DEPDC5: variants seen among roughly 807,000 people sequenced by gnomAD.
DEPDC5 encodes DEP domain containing 5, GATOR1 subcomplex subunit, also known as GATOR1 complex protein DEPDC5.
In DEPDC5, 73 loss-of-function variants were observed where a neutral mutation model predicts 217.3. That is an observed-to-expected ratio of 0.34 (90% CI 0.28 to 0.41). The LOEUF is 0.41. DEPDC5 is among the 10% of genes least tolerant of loss of function. The pLI is 1.00. For synonymous variants in DEPDC5, 733 were observed against 756.7 expected, an observed-to-expected ratio of 0.97 and a Z score of 0.51; for missense variants, 1,675 against 2,070.1, an observed-to-expected ratio of 0.81 and a Z score of 3.70.
chr22:31,879,067 TACAC>T (rs1190686323), intron 37 of DEPDC5, among the ~76,000 whole-genome samples: 66 of 133,960 alleles, frequency 4.9e-4, no homozygotes, highest in African/African-American at 1.8e-3. Context: ...TATATATATA[TACAC>T]ACACACACAC....
chr22:31,851,753 A>T (rs1307145678), intron 31 of DEPDC5, among the ~76,000 whole-genome samples: 1 of 152,226 alleles, frequency 6.6e-6, no homozygotes, highest in Admixed American at 6.5e-5. Flanking sequence ...GAACCTGCAC[A>T]CATTAGGCTT....
At position 31,792,033 on chromosome 22, in the gene DEPDC5, GAGA is replaced by G. The variant is rs1319903842; in HGVS notation, c.630_632del (p.Lys210del). The G allele has an allele frequency of 6.2e-7, 1 of 1,610,734 alleles. No homozygotes were observed. Among genetic ancestry groups the G allele is most frequent in the Non-Finnish European group, 8.5e-7 (1 of 1,177,748 alleles). Reference sequence around the variant, plus strand: ...CCTGTTGTTCTCTACTCATGCTTAGGAGAAGAACTGTAGTCATGAAGTGACAGT... The same window carrying G: ...CCTGTTGTTCTCTACTCATGCTTAGGAGAACTGTAGTCATGAAGTGACAGT... On this transcript the variant is annotated inframe_deletion and splice_region_variant, in exon 11 of 43. Transcript: ENST00000651528.
chr22:31,778,787 GTA>G, intron 8 of DEPDC5, among the ~76,000 whole-genome samples: 1 of 152,294 alleles, frequency 6.6e-6, no homozygotes, highest in Admixed American at 6.5e-5. Flanking sequence ...TGGTAAAACT[GTA>G]TGTCTACCTT....
intron 27 of DEPDC5, among the ~76,000 whole-genome samples, chr22:31,840,864 C>T (rs1331108720): frequency 6.6e-6 from 1 of 152,218 alleles, no homozygotes; most frequent in African/African-American, 2.4e-5. Flanking sequence ...CAGCCCTCCC[C>T]TCAGAGTCTA....
intron 10 of DEPDC5, 114 bp downstream of exon 10, chr22:31,784,989 G>A (rs1164133634): frequency 6.9e-5 from 58 of 839,520 alleles, no homozygotes; most frequent in Non-Finnish European, 9.6e-5. Context: ...GGTAAAACCC[G>A]GACTCCAGAT....
intron 14 of DEPDC5, among the ~76,000 whole-genome samples, chr22:31,801,995 A>AT (rs2086910760): frequency 3.4e-5 from 5 of 149,012 alleles, no homozygotes; most frequent in Non-Finnish European, 7.4e-5. Context: ...TAGTGTCTTA[A>AT]ATTAATACTA....
intron 14 of DEPDC5, among the ~76,000 whole-genome samples, chr22:31,799,823 T>TG: frequency 7.0e-6 from 1 of 142,130 alleles, no homozygotes; most frequent in South Asian, 2.3e-4. Context: ...TTTTTTTTTT[T>TG]TTTGAGACAG....
At chr22:31,857,774 A>G in intron 32 of DEPDC5, 1 of 433,298 alleles carries the variant, frequency 2.3e-6, no homozygotes, top group Non-Finnish European at 4.1e-6. Flanking sequence ...TCCGGATATA[A>G]AACGGTCAGT....
At chr22:31,761,785 C>T (rs181340519) in intron 4 of DEPDC5, among the ~76,000 whole-genome samples, 114 of 151,166 alleles carry the variant, frequency 7.5e-4, no homozygotes, top group South Asian at 1.3e-3. Flanking sequence ...CTGGGCAAAA[C>T]GGTGAAACCC....
chr22:31,843,839 T>A (rs765561116), intron 29 of DEPDC5, 27 bp downstream of exon 29: 1 of 1,571,538 alleles, frequency 6.4e-7, no homozygotes, highest in South Asian at 1.2e-5. Context: ...TGGATTTCCA[T>A]CTTTGCATCC....
intron 7 of DEPDC5, among the ~76,000 whole-genome samples, chr22:31,775,323 G>A (rs2083729185): frequency 6.6e-6 from 1 of 152,022 alleles, no homozygotes; most frequent in Non-Finnish European, 1.5e-5. Flanking sequence ...GGGATTACAG[G>A]CACCTGCCAC....
At chr22:31,836,046 A>G (rs551557375) in intron 25 of DEPDC5, among the ~76,000 whole-genome samples, 1 of 152,380 alleles carries the variant, frequency 6.6e-6, no homozygotes, top group South Asian at 2.1e-4. Context: ...GAAAGTTAAA[A>G]GATAGTCTTC....
At chr22:31,841,209 T>C (rs2091372498) in intron 27 of DEPDC5, among the ~76,000 whole-genome samples, 1 of 152,222 alleles carries the variant, frequency 6.6e-6, no homozygotes, top group African/African-American at 2.4e-5. Context: ...GTCCCCTGAG[T>C]AGCTTCTGTT....
intron 31 of DEPDC5, among the ~76,000 whole-genome samples, chr22:31,856,153 G>GCACACACA (rs771652884): frequency 0.041 from 4,482 of 108,204 alleles, 183 homozygotes; most frequent in African/African-American, 0.084. Flanking sequence ...TTGGGCCAAC[G>GCACACACA]CGCACACACA....
chr22:31,803,604 C>G (rs1465615223), intron 15 of DEPDC5, among the ~76,000 whole-genome samples: 1 of 152,044 alleles, frequency 6.6e-6, no homozygotes, highest in Admixed American at 6.6e-5. Flanking sequence ...CCCCACACCC[C>G]CCAATTTGAT....
intron 38 of DEPDC5, among the ~76,000 whole-genome samples, chr22:31,880,946 C>T (rs1034917713): frequency 4.7e-5 from 7 of 150,524 alleles, no homozygotes; most frequent in Non-Finnish European, 7.4e-5. Context: ...ACCTGGGCGG[C>T]GGAGCCTGCA....
chr22:31,861,225 T>C, intron 32 of DEPDC5, 143 bp from the exon 33 acceptor site: 1 of 609,578 alleles, frequency 1.6e-6, no homozygotes, highest in Non-Finnish European at 2.9e-6. Context: ...ATGTCCTTGT[T>C]TCTCTCCTTC....
intron 18 of DEPDC5, 79 bp downstream of exon 18, chr22:31,806,270 T>C: frequency 7.9e-7 from 1 of 1,269,704 alleles, no homozygotes; most frequent in East Asian, 2.4e-5. Flanking sequence ...CAATCAGTCC[T>C]CCTGTTTCAG....
intron 37 of DEPDC5, among the ~76,000 whole-genome samples, chr22:31,877,400 G>A (rs1569179113): frequency 8.8e-6 from 1 of 113,426 alleles, no homozygotes; most frequent in Non-Finnish European, 1.6e-5. Flanking sequence ...TCACACCACT[G>A]TACTCTAGCC....
Sources: gnomAD v4.1 joint callset for allele counts (sites outside exome capture counted in the v4.1 genomes callset) on GRCh38, gnomAD v4.1.1 for gene constraint, MANE v1.5 for transcripts, NCBI Gene and HGNC (gene_info 2026-07-23, HGNC 2026-07-21) for gene names.